Variants in VRK2 observed in about 807,000 individuals in gnomAD.
The protein encoded by VRK2 is serine/threonine-protein kinase VRK2.
A neutral mutation model predicts 57.6 loss-of-function variants in VRK2; 60 were observed. The observed-to-expected ratio is 1.04, with a 90% CI of 0.85 to 1.29. The LOEUF (loss-of-function observed/expected upper bound fraction) is 1.29. VRK2 is among the 50% of genes most tolerant of loss of function. The pLI is 0.00. For missense variants in VRK2, 705 were observed against 588.1 expected (o/e 1.20, Z -2.06); for synonymous variants, 231 against 199.2 (o/e 1.16, Z -1.35).
intron 1 of VRK2, among the ~76,000 whole-genome samples, chr2:57,916,262 C>T (rs1039671069): frequency 6.6e-6 from 1 of 151,810 alleles, no homozygotes; most frequent in Non-Finnish European, 1.5e-5. Flanking sequence ...CAAAATTAGC[C>T]AAGCATGGTG....
At chr2:58,032,332 G>T (rs1191875977) in intron 2 of VRK2, among the ~76,000 whole-genome samples, 2 of 152,162 alleles carry the variant, frequency 1.3e-5, no homozygotes, top group East Asian at 1.9e-4. Context: ...AATGTATTCA[G>T]TTCTGGAGGG....
intron 6 of VRK2, 122 bp downstream of exon 6, chr2:58,088,568 T>C (rs1671952269): frequency 1.3e-6 from 1 of 794,576 alleles, no homozygotes; most frequent in East Asian, 2.5e-5. Flanking sequence ...ACATCAGTTA[T>C]TAGGAGTAGA....
chr2:57,985,481 T>C (rs951192846), intron 1 of VRK2, among the ~76,000 whole-genome samples: 2 of 152,098 alleles, frequency 1.3e-5, no homozygotes, highest in Non-Finnish European at 2.9e-5. Context: ...AACCACTCTT[T>C]TGACATTTTT....
chr2:57,925,970 T>TA (rs1435312693), intron 1 of VRK2, among the ~76,000 whole-genome samples: 1 of 152,072 alleles, frequency 6.6e-6, no homozygotes, highest in Non-Finnish European at 1.5e-5. Flanking sequence ...ATTTCCTTCT[T>TA]AATTTTTTCA....
chr2:58,077,784 G>A (rs1670328187), intron 2 of VRK2, among the ~76,000 whole-genome samples: 1 of 151,960 alleles, frequency 6.6e-6, no homozygotes, highest in African/African-American at 2.4e-5. Flanking sequence ...TGTTGTTAGT[G>A]GGATAAGGCC....
chr2:58,042,548 A>C (rs886898877), upstream of VRK2, among the ~76,000 whole-genome samples: 1 of 152,202 alleles, frequency 6.6e-6, no homozygotes. Context: ...TGTTTTGTCT[A>C]TGCATCATCT....
At chr2:58,149,426 TTATTA>T (rs1450127988) in intron 12 of VRK2, among the ~76,000 whole-genome samples, 1 of 151,784 alleles carries the variant, frequency 6.6e-6, no homozygotes, top group East Asian at 1.9e-4. Flanking sequence ...CCAATAGGTT[TTATTA>T]TTTTTTAAAT....
chr2:57,956,631 C>T (rs968437705), intron 1 of VRK2, among the ~76,000 whole-genome samples: 3 of 152,004 alleles, frequency 2.0e-5, no homozygotes, highest in East Asian at 1.9e-4. Context: ...TTTAGGTCTT[C>T]GTATGAAGAA....
intron 1 of VRK2, among the ~76,000 whole-genome samples, chr2:58,022,885 A>G (rs1291313528): frequency 6.6e-6 from 1 of 152,330 alleles, no homozygotes; most frequent in East Asian, 1.9e-4. Flanking sequence ...AAAAAAGAAA[A>G]AAATATGAGG....
upstream of VRK2, among the ~76,000 whole-genome samples, chr2:58,042,271 T>C (rs1292550550): frequency 6.6e-6 from 1 of 152,240 alleles, no homozygotes; most frequent in East Asian, 1.9e-4. Context: ...ATGTAAAGAA[T>C]GCAGAGGACA....
intron 9 of VRK2, among the ~76,000 whole-genome samples, chr2:58,134,272 C>G (rs1679643857): frequency 6.6e-6 from 1 of 152,156 alleles, no homozygotes; most frequent in Non-Finnish European, 1.5e-5. Context: ...ACCCTCATTC[C>G]AAAGGGGTCC....
intron 1 of VRK2, among the ~76,000 whole-genome samples, chr2:57,950,791 C>T (rs1457213260): frequency 2.6e-5 from 4 of 152,126 alleles, no homozygotes; most frequent in Non-Finnish European, 4.4e-5. Context: ...TTCTAGACGC[C>T]ATTAAGAACA....
chr2:58,100,666 C>T (rs1274670599), intron 7 of VRK2, among the ~76,000 whole-genome samples: 1 of 151,652 alleles, frequency 6.6e-6, no homozygotes, highest in East Asian at 1.9e-4. Context: ...TATACTTTCA[C>T]TTAATTTTTC....
chr2:57,997,039 T>C (rs1672945542), intron 1 of VRK2, among the ~76,000 whole-genome samples: 1 of 151,930 alleles, frequency 6.6e-6, no homozygotes, highest in South Asian at 2.1e-4. Flanking sequence ...GAAAGATGAA[T>C]CCAGATATAA....
At chr2:58,049,552 A>T (rs1322988439) in intron 2 of VRK2, among the ~76,000 whole-genome samples, 1 of 152,172 alleles carries the variant, frequency 6.6e-6, no homozygotes, top group Non-Finnish European at 1.5e-5. Context: ...CATGGGCTGG[A>T]TAGGCCTTTA....
At chr2:58,086,523 T>C (rs1318692666) in intron 5 of VRK2, 97 bp downstream of exon 5, 20 of 1,062,520 alleles carry the variant, frequency 1.9e-5, no homozygotes, top group Middle Eastern at 2.8e-4. Context: ...CCAAAACATA[T>C]TGGCATATAA....
intron 2 of VRK2, among the ~76,000 whole-genome samples, chr2:58,055,815 G>T (rs1406215764): frequency 6.6e-6 from 1 of 152,124 alleles, no homozygotes; most frequent in Non-Finnish European, 1.5e-5. Context: ...TCCAGAAACA[G>T]AAAGATTTTT....
At chr2:57,917,824 C>T (rs927606123) in intron 1 of VRK2, among the ~76,000 whole-genome samples, 6 of 151,972 alleles carry the variant, frequency 3.9e-5, no homozygotes, top group Admixed American at 2.0e-4. Context: ...ATATAAAGAT[C>T]TTTCATATGA....
At chr2:58,136,237 C>A (rs770186635) in intron 10 of VRK2, among the ~76,000 whole-genome samples, 1 of 152,104 alleles carries the variant, frequency 6.6e-6, no homozygotes, top group Non-Finnish European at 1.5e-5. Context: ...TTGTTTTCCC[C>A]TTTCTCTAGT....
Sources: gnomAD v4.1 joint callset for allele counts (sites outside exome capture counted in the v4.1 genomes callset) on GRCh38, gnomAD v4.1.1 for gene constraint, MANE v1.5 for transcripts, NCBI Gene and HGNC (gene_info 2026-07-23, HGNC 2026-07-21) for gene names.